The following CCDC73 variants were observed in gnomAD, a reference collection of about 807,000 sequenced individuals.
The protein encoded by CCDC73 is coiled-coil domain containing 73, also known as coiled-coil domain-containing protein 73.
Under a neutral mutation model 116.5 loss-of-function variants are expected in CCDC73, and 95 were observed. The ratio of observed to expected loss-of-function variants is 0.82; its 90% confidence interval spans 0.69 to 0.97. CCDC73 has a LOEUF of 0.97. CCDC73 is among the 50% of genes least tolerant of loss of function. CCDC73 has a pLI of 0.00. For missense variants in CCDC73, 1,066 were observed against 1,206.8 expected (o/e 0.88, Z 1.73); for synonymous variants, 398 against 401.3 (o/e 0.99, Z 0.10).
At chr11:32,777,799 A>G (rs1466670277) in intron 1 of CCDC73, among the ~76,000 whole-genome samples, 1 of 152,164 alleles carries the variant, frequency 6.6e-6, no homozygotes, top group East Asian at 1.9e-4. Context: ...GAAGTTTGCT[A>G]CATTTGTATT....
chr11:32,737,488 C>G (rs1050491801), intron 2 of CCDC73, among the ~76,000 whole-genome samples: 1 of 151,966 alleles, frequency 6.6e-6, no homozygotes, highest in East Asian at 1.9e-4. Flanking sequence ...CATGGTGGCA[C>G]AAACCTGTTA....
chr11:32,666,248 T>C (rs531207808), intron 9 of CCDC73, among the ~76,000 whole-genome samples: 1 of 152,196 alleles, frequency 6.6e-6, no homozygotes, highest in South Asian at 2.1e-4. Context: ...AATACCCTGC[T>C]GAGTGGTTTT....
Position 32,754,002 on chromosome 11 carries a change from C to A in CCDC73, c.135+6107G>T, listed in dbSNP as rs141567109. Among the ~76,000 whole-genome samples the A allele has an allele frequency of 7.9e-5, 12 of 152,270 alleles. No homozygotes were observed. In the East Asian group the frequency reaches 2.3e-3, roughly 29 times the overall value. On this transcript the variant is annotated intron_variant, in intron 2 of 17. Transcript: ENST00000335185. ...CTTTTCACCCATTGAATTGACTTGT[C>A]TTTTTAATGATTTATTTATTCCTGC... is the stretch of plus-strand genomic sequence containing the variant.
intron 1 of CCDC73, among the ~76,000 whole-genome samples, chr11:32,768,897 A>G (rs1057354588): frequency 6.6e-6 from 1 of 152,178 alleles, no homozygotes; most frequent in African/African-American, 2.4e-5. Flanking sequence ...ACATAGAGAA[A>G]TCTGCAAGAT....
chr11:32,691,776 C>T (rs1284967377), intron 6 of CCDC73, among the ~76,000 whole-genome samples: 1 of 152,096 alleles, frequency 6.6e-6, no homozygotes, highest in Non-Finnish European at 1.5e-5. Context: ...CAGCCGGGCA[C>T]AGTGGCTCAC....
intron 2 of CCDC73, among the ~76,000 whole-genome samples, chr11:32,744,445 T>C (rs561150047): frequency 1.9e-4 from 29 of 152,088 alleles, no homozygotes; most frequent in African/African-American, 6.5e-4. Flanking sequence ...GGAGGATTCC[T>C]TCTTTTTCTA....
chr11:32,614,195 T>C lies in CCDC73; in HGVS notation c.2123A>G (p.His708Arg). Residue 708 changes from histidine (H) to arginine (R), a missense_variant, in exon 16 of 18, where the codon CAC becomes CGC. By Grantham distance (29) the His-to-Arg change is conservative. Transcript: ENST00000335185. ...ACTAAAAGCAGCATATGAAACATGG[T>C]GGTCGATTACTATATCACAGGGAAC... is the stretch of plus-strand genomic sequence containing the variant. ...LTVPCDIVID[H>R]HVSYAAFSAN... 3.1e-6 allele frequency: 5 copies of C among 1,613,924 alleles called. No individual in the cohort carries two copies. Among genetic ancestry groups the C allele is most frequent in the Non-Finnish European group, 4.2e-6 (5 of 1,179,882 alleles).
chr11:32,829,547 C>T, the CCDC73 span, among the ~76,000 whole-genome samples: 540 of 152,344 alleles, frequency 3.5e-3, 6 homozygotes, highest in African/African-American at 0.013. Flanking sequence ...TCCTCGTCCC[C>T]GGACCACCCT....
rs780808131 is a variant in CCDC73, at chr11:32,653,172, G to A, written c.890C>T (p.Ala297Val). 1.2e-6 allele frequency: 2 copies of A among 1,611,988 alleles called. No homozygotes were observed. Among genetic ancestry groups the A allele is most frequent in the East Asian group, 2.2e-5 (1 of 44,666 alleles). Residue 297 changes from alanine (A) to valine (V), a missense_variant, in exon 12 of 18, where the codon GCT becomes GTT. Transcript: ENST00000335185. ...CAATTCTGCCTCCATTTCAGTATTA[G>A]CTTGAATTTGTTGCCGAAGTAACTG... is the stretch of plus-strand genomic sequence containing the variant. ...MQQLLRQQIQ[A>V]NTEMEAELKV... is the part of the protein sequence containing the mutation.
At chr11:32,755,790 T>G (rs1461947889) in intron 2 of CCDC73, among the ~76,000 whole-genome samples, 1 of 125,836 alleles carries the variant, frequency 7.9e-6, no homozygotes, top group Non-Finnish European at 1.6e-5. Flanking sequence ...TATATATATC[T>G]CCATATATGT....
intron 3 of CCDC73, among the ~76,000 whole-genome samples, chr11:32,703,804 C>G (rs907688897): frequency 6.6e-6 from 1 of 152,138 alleles, no homozygotes; most frequent in African/African-American, 2.4e-5. Flanking sequence ...GTGGAAGTTG[C>G]ACGTTCTGTT....
At chr11:32,739,854 C>T (rs1406477232) in intron 2 of CCDC73, among the ~76,000 whole-genome samples, 1 of 150,818 alleles carries the variant, frequency 6.6e-6, no homozygotes, top group Non-Finnish European at 1.5e-5. Context: ...TTGAGGTATG[C>T]TCCTTTTATA....
At chr11:32,660,604 T>A (rs1311743342) in intron 9 of CCDC73, among the ~76,000 whole-genome samples, 1 of 152,044 alleles carries the variant, frequency 6.6e-6, no homozygotes. Context: ...GCAGGAGGAC[T>A]ACTTGAGCCT....
intron 9 of CCDC73, among the ~76,000 whole-genome samples, chr11:32,662,350 T>C (rs558325688): frequency 2.6e-5 from 4 of 152,300 alleles, no homozygotes; most frequent in Admixed American, 2.0e-4. Flanking sequence ...GCTCCTGTTG[T>C]TTCCTGACTT....
At chr11:32,648,554 C>CT (rs1236494179) in intron 12 of CCDC73, among the ~76,000 whole-genome samples, 5,237 of 144,474 alleles carry the variant, frequency 0.036, 96 homozygotes, top group Non-Finnish European at 0.043. Context: ...AGTTTATACT[C>CT]TTTTTTTTTT....
chr11:32,624,302 T>C (rs889277082), intron 14 of CCDC73, among the ~76,000 whole-genome samples: 1 of 152,098 alleles, frequency 6.6e-6, no homozygotes, highest in Non-Finnish European at 1.5e-5. Flanking sequence ...ATGATGCTGT[T>C]ACACTCCAGC....
intron 3 of CCDC73, among the ~76,000 whole-genome samples, chr11:32,706,211 T>C (rs980873022): frequency 3.3e-5 from 5 of 152,188 alleles, no homozygotes; most frequent in Non-Finnish European, 5.9e-5. Flanking sequence ...AAGGAAAGAA[T>C]GAGTCCACTG....
the CCDC73 span, among the ~76,000 whole-genome samples, chr11:32,807,692 CA>C: frequency 1.2e-4 from 18 of 151,838 alleles, no homozygotes; most frequent in Admixed American, 1.2e-3. Context: ...CCAGGGAAGC[CA>C]AAAGATTGGA....
At chr11:32,667,185 G>A (rs550058200) in intron 9 of CCDC73, among the ~76,000 whole-genome samples, 2 of 152,160 alleles carry the variant, frequency 1.3e-5, no homozygotes, top group East Asian at 1.9e-4. Flanking sequence ...TACTCTCTTC[G>A]AAGCTGTCAG....
Sources: gnomAD v4.1 joint callset for allele counts (sites outside exome capture counted in the v4.1 genomes callset) on GRCh38, gnomAD v4.1.1 for gene constraint, MANE v1.5 for transcripts, NCBI Gene and HGNC (gene_info 2026-07-23, HGNC 2026-07-21) for gene names.